DSE: variants seen among roughly 807,000 people sequenced by gnomAD.
DSE encodes the protein dermatan sulfate epimerase.
Under a neutral mutation model 84.4 loss-of-function variants are expected in DSE, and 36 were observed. The ratio of observed to expected loss-of-function variants is 0.43; its 90% CI spans 0.33 to 0.56. The LOEUF is 0.56. Ranked by LOEUF, DSE falls within the 20% of genes least tolerant of loss-of-function variation. The pLI, the probability that DSE is intolerant of heterozygous loss-of-function variation, is 0.06. For synonymous variants in DSE, 410 were observed against 430.1 expected (o/e 0.95, Z 0.58); for missense variants, 862 against 1,169.6 (o/e 0.74, Z 3.84).
In DSE at chr6:116,436,906, G is replaced by T; in HGVS notation, c.2438G>T (p.Gly813Val). The T allele has an allele frequency of 6.2e-7, 1 of 1,614,116 alleles. No homozygotes were observed. Among genetic ancestry groups the T allele is most frequent in the Non-Finnish European group, 8.5e-7 (1 of 1,180,018 alleles). ...AAGTCAAAGAAAAACCGAAGGGCAG[G>T]CAAACGCTATAAATTTGTGGATGCT... Reference protein sequence around the residue: ...QSKSKKNRRAGKRYKFVDAVP... With the variant: ...QSKSKKNRRAVKRYKFVDAVP... Residue 813 changes from glycine to valine, a missense_variant, in exon 6 of 6, where the codon GGC (glycine) becomes GTC (valine). Physicochemically the swap from Gly to Val is moderately radical, Grantham distance 109. Coordinates refer to ENST00000644252, the MANE Select transcript of DSE (RefSeq NM_013352.4).
chr6:116,435,532 T>C, intron 5 of DSE, 55 bp from the exon 6 acceptor site: 1 of 1,501,260 alleles, frequency 6.7e-7, no homozygotes, highest in African/African-American at 1.4e-5. Flanking sequence ...TACCATGTTA[T>C]GTGTTATTTT....
chr6:116,358,643 T>C (rs952707182), intron 2 of DSE, among the ~76,000 whole-genome samples: 1 of 152,200 alleles, frequency 6.6e-6, no homozygotes, highest in African/African-American at 2.4e-5. Context: ...CATAAACAAA[T>C]GATCTTCCTA....
At chr6:116,381,391 A>G (rs986887864) in intron 1 of DSE, among the ~76,000 whole-genome samples, 1 of 152,188 alleles carries the variant, frequency 6.6e-6, no homozygotes, top group African/African-American at 2.4e-5. Context: ...CTCTTGGACA[A>G]GACTGTTGCT....
intron 2 of DSE, among the ~76,000 whole-genome samples, chr6:116,353,193 A>G (rs925479965): frequency 7.9e-5 from 12 of 152,116 alleles, no homozygotes; most frequent in African/African-American, 2.9e-4. Flanking sequence ...ATAAACACTG[A>G]TGGATATTTT....
intron 2 of DSE, among the ~76,000 whole-genome samples, chr6:116,282,166 A>G (rs1199233858): frequency 1.3e-5 from 2 of 152,348 alleles, no homozygotes; most frequent in East Asian, 3.9e-4. Flanking sequence ...ACAGAAATAT[A>G]TAATGCATTT....
intron 2 of DSE, among the ~76,000 whole-genome samples, chr6:116,317,428 T>C (rs1355680930): frequency 2.6e-5 from 4 of 152,248 alleles, no homozygotes; most frequent in African/African-American, 7.2e-5. Context: ...GTGTCCAAGA[T>C]GTGTCCTTTC....
intron 1 of DSE, among the ~76,000 whole-genome samples, chr6:116,384,961 T>C (rs944112609): frequency 3.9e-5 from 6 of 152,160 alleles, no homozygotes; most frequent in Non-Finnish European, 8.8e-5. Flanking sequence ...GACTTGGTAA[T>C]GATGTCATTT....
At position 116,303,873 on chromosome 6, in the gene DSE, T is replaced by C. The variant is rs371284332; in HGVS notation, c.-54+44906T>C. 2.0e-3 allele frequency among the ~76,000 whole-genome samples: 302 copies of C among 152,166 alleles called. 7 individuals are homozygous for C. In the South Asian group the frequency reaches 0.031, roughly 15 times the overall value. On this transcript the variant is annotated intron_variant, in intron 2 of 3. Coordinates refer to the DSE transcript ENST00000430252. Reference sequence around the variant, plus strand: ...AGTGGGGGCCCGGTGCGGTGGCTCATGCCTGTAATCCCAGCACTTTGGGAG... The same window carrying C: ...AGTGGGGGCCCGGTGCGGTGGCTCACGCCTGTAATCCCAGCACTTTGGGAG...
intron 2 of DSE, among the ~76,000 whole-genome samples, chr6:116,364,401 C>T (rs1158327971): frequency 1.3e-5 from 2 of 152,194 alleles, no homozygotes; most frequent in African/African-American, 4.8e-5. Flanking sequence ...CATCAGCAAA[C>T]TGTCGACTAT....
At chr6:116,370,935 G>A, upstream of DSE, 18 of 985,354 alleles carry the variant, frequency 1.8e-5, no homozygotes, top group Non-Finnish European at 2.0e-5. Flanking sequence ...CGCCCCCGCC[G>A]GCCCGGCTCT....
chr6:116,278,740 T>G, intron 2 of DSE: 1 of 1,614,146 alleles, frequency 6.2e-7, no homozygotes, highest in Non-Finnish European at 8.5e-7. Flanking sequence ...AATGAAGGAC[T>G]GGGGTTCATG....
chr6:116,433,248 TA>T (rs1783954775), intron 4 of DSE, 94 bp from the exon 5 acceptor site: 4 of 1,215,362 alleles, frequency 3.3e-6, no homozygotes, highest in Non-Finnish European at 4.6e-6. Context: ...TACACAATTC[TA>T]ATTTGCAACT....
At chr6:116,370,540 T>C (rs559220481), upstream of DSE, 4 of 981,436 alleles carry the variant, frequency 4.1e-6, no homozygotes, top group East Asian at 1.1e-4. Flanking sequence ...TCTCGCAGAG[T>C]AGTATGGAAG....
rs1487132675 is a variant in DSE, at chr6:116,399,278, AGT to A, written c.33_34del (p.Phe13HisfsTer87). On this transcript the variant is annotated frameshift_variant, in exon 2 of 6. Transcript: ENST00000644252. LOFTEE classifies it high-confidence loss of function. MRTHTRGAP[S>X]VFFIYLLCFV... ...GAGGACTCACACACGGGGGGCTCCC[AGT>A]GTGTTTTTCATATATTTGCTTTGCT... 1 of 1,613,874 alleles carries A rather than the reference AGT, an allele frequency of 6.2e-7. No individual in the cohort carries two copies. The highest frequency in any genetic ancestry group is 8.5e-7 in the Non-Finnish European group (1 of 1,180,032).
intron 1 of DSE, among the ~76,000 whole-genome samples, chr6:116,398,103 T>C (rs1024230319): frequency 6.6e-6 from 1 of 152,222 alleles, no homozygotes; most frequent in African/African-American, 2.4e-5. Context: ...CTGTTCGTTA[T>C]TTACATAAAA....
chr6:116,434,801 A>G (rs1418583233), intron 5 of DSE, among the ~76,000 whole-genome samples: 1 of 152,214 alleles, frequency 6.6e-6, no homozygotes, highest in Non-Finnish European at 1.5e-5. Context: ...TCAATATCAA[A>G]CACCAATAAG....
chr6:116,298,676 A>T (rs1052617213), intron 2 of DSE, among the ~76,000 whole-genome samples: 5 of 152,206 alleles, frequency 3.3e-5, no homozygotes, highest in African/African-American at 1.2e-4. Context: ...TACGTGTGTG[A>T]TAATGTTTTA....
intron 2 of DSE, among the ~76,000 whole-genome samples, chr6:116,413,376 A>G (rs1040816079): frequency 1.3e-5 from 2 of 152,180 alleles, no homozygotes; most frequent in African/African-American, 4.8e-5. Context: ...TTTCCAGAGA[A>G]TCCCTACCCA....
chr6:116,337,554 G>C (rs1234219555), intron 2 of DSE, among the ~76,000 whole-genome samples: 1 of 152,084 alleles, frequency 6.6e-6, no homozygotes. Flanking sequence ...AGAGTTTGCA[G>C]TGAGCCGAGA....
Sources: gnomAD v4.1 joint callset for allele counts (sites outside exome capture counted in the v4.1 genomes callset) on GRCh38, gnomAD v4.1.1 for gene constraint, MANE v1.5 for transcripts, NCBI Gene and HGNC (gene_info 2026-07-23, HGNC 2026-07-21) for gene names.